The following TMC3 variants were observed in gnomAD, a reference collection of about 807,000 sequenced individuals.
TMC3 encodes the protein transmembrane channel like 3.
Under a neutral mutation model 110.6 loss-of-function variants are expected in TMC3, and 98 were observed. The observed-to-expected ratio is 0.89, with a 90% CI of 0.75 to 1.05. The LOEUF is 1.05. TMC3 is among the 50% of genes least tolerant of loss of function. TMC3 has a pLI of 0.00. For missense variants in TMC3, 1,319 were observed against 1,373.2 expected (o/e 0.96, Z 0.62); for synonymous variants, 489 against 513.1 (o/e 0.95, Z 0.63).
chr15:81,360,423 AACTT>A (rs1387915726), intron 4 of TMC3, among the ~76,000 whole-genome samples: 1 of 152,192 alleles, frequency 6.6e-6, no homozygotes, highest in East Asian at 1.9e-4. Flanking sequence ...AATTTTCCAT[AACTT>A]ACTTAAACTA....
chr15:81,351,984 AC>A, intron 9 of TMC3, 143 bp from the exon 10 acceptor site: 2 of 922,966 alleles, frequency 2.2e-6, no homozygotes, highest in Non-Finnish European at 3.2e-6. Context: ...CTTCCAGCCC[AC>A]CCCACCCAGC....
intron 9 of TMC3, 90 bp from the exon 10 acceptor site, chr15:81,351,931 C>T: frequency 7.0e-7 from 1 of 1,430,728 alleles, no homozygotes; most frequent in Non-Finnish European, 9.5e-7. Flanking sequence ...GACTGGAACA[C>T]ATCCATTGCC....
chr15:81,333,410 A>G, intron 21 of TMC3, 148 bp from the exon 22 acceptor site: 1 of 1,122,838 alleles, frequency 8.9e-7, no homozygotes, highest in African/African-American at 1.6e-5. Context: ...GCACAGAGAC[A>G]TTTGGGGGAC....
chr15:81,351,348 C>CT (rs35807579), intron 10 of TMC3, among the ~76,000 whole-genome samples: 4,867 of 101,214 alleles, frequency 0.048, 188 homozygotes, highest in Middle Eastern at 0.086. Flanking sequence ...CTCTCTCTCT[C>CT]TTTTTTTTTT....
chr15:81,360,808 T>C (rs1052178218), intron 4 of TMC3, among the ~76,000 whole-genome samples: 6 of 152,142 alleles, frequency 3.9e-5, no homozygotes, highest in Non-Finnish European at 7.4e-5. Context: ...ATTGGGGTGA[T>C]AGGAGGTAGT....
chr15:81,360,821 TG>T (rs1894171907), intron 4 of TMC3, among the ~76,000 whole-genome samples: 1 of 152,082 alleles, frequency 6.6e-6, no homozygotes, highest in Admixed American at 6.6e-5. Context: ...GAGGTAGTCC[TG>T]GGGCAATTCT....
chr15:81,346,213 C>T (rs1303714840), intron 12 of TMC3, among the ~76,000 whole-genome samples, 152 bp downstream of exon 12: 1 of 152,170 alleles, frequency 6.6e-6, no homozygotes, highest in Non-Finnish European at 1.5e-5. Context: ...CTCTCCTTAC[C>T]TTGAGAAGAC....
Position 81,343,946 on chromosome 15 carries a change from A to G in TMC3, c.1618T>C (p.Tyr540His), listed in dbSNP as rs763544403. ...RGLFVRYLSD[Y>H]WCWDLESKFP... The stretch of plus-strand genomic sequence containing the variant: ...TTGCTCTCCAGATCCCAACACCAGT[A>G]GTCACTTAAGTACCGCACGAAAAGT... The change falls in exon 14 of 22, where the codon TAC (tyrosine) becomes CAC (histidine). Residue 540 changes from tyrosine to histidine, a missense_variant. By Grantham distance (83) the Tyr-to-His change is moderately conservative. Transcript: ENST00000359440. The G allele has an allele frequency of 5.6e-6, 9 of 1,612,806 alleles. No individual in the cohort carries two copies. The highest frequency in any genetic ancestry group is 3.3e-5 in the Admixed American group (2 of 59,972).
chr15:81,372,806 C>G, intron 1 of TMC3, 69 bp from the exon 2 acceptor site: 2 of 1,549,858 alleles, frequency 1.3e-6, no homozygotes, highest in Non-Finnish European at 1.8e-6. Flanking sequence ...TCATCTTGCC[C>G]TGGGCACAAG....
chr15:81,342,664 C>G (rs1474909365), intron 15 of TMC3: 1 of 152,182 alleles, frequency 6.6e-6, no homozygotes, highest in Non-Finnish European at 1.5e-5. Flanking sequence ...TATGGAATAT[C>G]CCAAGTTCTT....
chr15:81,355,210 G>A (rs1301399499), intron 9 of TMC3, among the ~76,000 whole-genome samples: 1 of 152,170 alleles, frequency 6.6e-6, no homozygotes, highest in Non-Finnish European at 1.5e-5. Context: ...GGGATGAACA[G>A]ACCTACCTGT....
At position 81,349,479 on chromosome 15, in the gene TMC3, G is replaced by A. The variant is rs371529017; in HGVS notation, c.1172C>T (p.Thr391Met). ...AALEMYHPRTTLRFQLARVLV... is the reference protein window; with the variant it reads ...AALEMYHPRTMLRFQLARVLV... ...GTACCTTGCAAGCTGGAAGCGCAGC[G>A]TGGTCCTGGGGTGGTACATCTCTAA... The change falls in exon 11 of 22, where the codon ACG (threonine) becomes ATG (methionine). Residue 391 changes from threonine to methionine, a missense_variant. Transcript: ENST00000359440. 34 of 1,535,746 alleles carry A rather than the reference G, an allele frequency of 2.2e-5. No individual in the cohort carries two copies. The highest frequency in any genetic ancestry group is 1.4e-4 in the Admixed American group (7 of 49,854).
intron 16 of TMC3, 130 bp downstream of exon 16, chr15:81,341,260 A>T: frequency 1.0e-6 from 1 of 958,254 alleles, no homozygotes; most frequent in Non-Finnish European, 1.4e-6. Context: ...ACAAAATTGG[A>T]GGACAGGCAA....
chr15:81,363,990 CTA>C (rs1161425502), intron 3 of TMC3, among the ~76,000 whole-genome samples: 32 of 152,342 alleles, frequency 2.1e-4, no homozygotes, highest in African/African-American at 7.2e-4. Context: ...ATCTATCTCA[CTA>C]TGTGTCCCTG....
At chr15:81,343,192 T>C in intron 15 of TMC3, 86 bp downstream of exon 15, 1 of 760,644 alleles carries the variant, frequency 1.3e-6, no homozygotes, top group South Asian at 1.6e-5. Flanking sequence ...AACTGTGTTA[T>C]GGTCGTGTCC....
At chr15:81,340,159 G>T (rs919920041) in intron 16 of TMC3, among the ~76,000 whole-genome samples, 2 of 151,876 alleles carry the variant, frequency 1.3e-5, no homozygotes, top group Non-Finnish European at 2.9e-5. Flanking sequence ...GAGAATGAGG[G>T]GTCAATCTAG....
At chr15:81,358,609 T>G (rs1567067776) in intron 5 of TMC3, 109 bp from the exon 6 acceptor site, 2 of 801,650 alleles carry the variant, frequency 2.5e-6, no homozygotes, top group Non-Finnish European at 3.8e-6. Context: ...ATAAGAGATC[T>G]CCAGGGGGTG....
chr15:81,362,700 C>T (rs1894215624), intron 3 of TMC3, among the ~76,000 whole-genome samples: 1 of 152,120 alleles, frequency 6.6e-6, no homozygotes, highest in South Asian at 2.1e-4. Context: ...CATCTTAAAA[C>T]CACAAGACAC....
chr15:81,364,907 T>C (rs1365016420), intron 3 of TMC3, among the ~76,000 whole-genome samples: 1 of 150,576 alleles, frequency 6.6e-6, no homozygotes, highest in African/African-American at 2.4e-5. Context: ...ATGTCACGAA[T>C]TTTTTGAAAA....
Sources: allele counts gnomAD v4.1 joint callset (sites outside exome capture counted in the v4.1 genomes callset), GRCh38; gene constraint gnomAD v4.1.1; transcripts MANE v1.5; gene names NCBI Gene and HGNC (gene_info 2026-07-23, HGNC 2026-07-21).